The following SPESP1 variants were observed in gnomAD, a reference collection of about 807,000 sequenced individuals.
SPESP1 encodes the protein sperm equatorial segment protein 1, also known as equatorial segment protein.
SPESP1 carries 1 observed loss-of-function variant against 3.1 expected under a neutral mutation model. The ratio of observed to expected loss-of-function variants is 0.33; its 90% CI spans 0.12 to 1.54. SPESP1 has a LOEUF of 1.54. Ranked by LOEUF, SPESP1 falls within the 40% of genes most tolerant of loss-of-function variation. SPESP1 has a pLI of 0.38. For synonymous variants in SPESP1, 138 were observed against 150.7 expected (o/e 0.92, Z 0.62); for missense variants, 398 against 410.1 (o/e 0.97, Z 0.26).
At chr15:68,944,109 A>G (rs1895898117) in intron 1 of SPESP1, among the ~76,000 whole-genome samples, 1 of 152,134 alleles carries the variant, frequency 6.6e-6, no homozygotes, top group Non-Finnish European at 1.5e-5. Flanking sequence ...AATTAAATCA[A>G]TTTGTATACT....
chr15:68,938,947 T>C (rs964256662), intron 1 of SPESP1, among the ~76,000 whole-genome samples: 7 of 152,384 alleles, frequency 4.6e-5, no homozygotes, highest in African/African-American at 1.7e-4. Context: ...TAGGATCTTT[T>C]AAATCATTAT....
Position 68,946,128 on chromosome 15 carries a change from T to C in SPESP1, c.594T>C (p.Asp198=). The change falls in exon 2 of 2, where the codon GAT becomes GAC. Residue 198 remains aspartate (D), a synonymous_variant. Transcript: ENST00000310673. ...TGIGISTESE[D]VPQLSGETAI... ...TTGGGATCTCTACAGAATCAGAAGATGTTCCTCAGCTCTCAGGTGAAACTG... is the reference window on the plus strand; with the variant it reads ...TTGGGATCTCTACAGAATCAGAAGACGTTCCTCAGCTCTCAGGTGAAACTG... The C allele has an allele frequency of 6.2e-7, 1 of 1,614,176 alleles. No individual in the cohort carries two copies. The highest frequency in any genetic ancestry group is 1.6e-4 in the Middle Eastern group (1 of 6,062).
intron 1 of SPESP1, among the ~76,000 whole-genome samples, chr15:68,933,554 C>G (rs1567061883): frequency 1.3e-5 from 2 of 150,466 alleles, no homozygotes; most frequent in African/African-American, 4.9e-5. Context: ...ATTCTTTTTG[C>G]TTTAAAAAAA....
At chr15:68,936,398 C>T (rs1311316114) in intron 1 of SPESP1, among the ~76,000 whole-genome samples, 2 of 152,012 alleles carry the variant, frequency 1.3e-5, no homozygotes, top group East Asian at 1.9e-4. Context: ...AATGAAGTAC[C>T]GATACATGCT....
chr15:68,942,465 G>A (rs1895851979), intron 1 of SPESP1, among the ~76,000 whole-genome samples: 1 of 151,968 alleles, frequency 6.6e-6, no homozygotes, highest in Admixed American at 6.6e-5. Flanking sequence ...CCAACATGAT[G>A]TTAAATATTA....
chr15:68,940,796 T>G (rs1395561095), intron 1 of SPESP1, among the ~76,000 whole-genome samples: 5 of 151,884 alleles, frequency 3.3e-5, no homozygotes, highest in East Asian at 3.9e-4. Context: ...ATAGGTGGTG[T>G]TGTGTTCTTC....
At chr15:68,944,865 A>C (rs982115417) in intron 1 of SPESP1, among the ~76,000 whole-genome samples, 1 of 152,208 alleles carries the variant, frequency 6.6e-6, no homozygotes, top group East Asian at 1.9e-4. Flanking sequence ...ATACTGGTAA[A>C]TATTTAAAAC....
At chr15:68,941,442 G>A (rs1413217746) in intron 1 of SPESP1, among the ~76,000 whole-genome samples, 1 of 152,134 alleles carries the variant, frequency 6.6e-6, no homozygotes, top group Non-Finnish European at 1.5e-5. Context: ...CCATTTCCCT[G>A]AGCCAAAATC....
At position 68,946,138 on chromosome 15, in the gene SPESP1, C is replaced by G. The variant is rs757331605; in HGVS notation, c.604C>G (p.Leu202Val). The part of the protein sequence containing the change: ...ISTESEDVPQ[L>V]SGETAIEKPE... ...TACAGAATCAGAAGATGTTCCTCAG[C>G]TCTCAGGTGAAACTGCGATAGAAAA... The change falls in exon 2 of 2, where the codon CTC (leucine) becomes GTC (valine). Residue 202 changes from leucine to valine, a missense_variant. Leu to Val is a conservative substitution (Grantham distance 32). Coordinates refer to ENST00000310673, the MANE Select transcript of SPESP1 (RefSeq NM_145658.4). 3 of 1,614,022 alleles carry G rather than the reference C, an allele frequency of 1.9e-6. No homozygotes were observed. Among genetic ancestry groups the G allele is most frequent in the Admixed American group, 1.7e-5 (1 of 60,006 alleles).
Position 68,930,663 on chromosome 15 carries a change from T to G in SPESP1, c.10T>G (p.Leu4Val). Reference sequence around the variant, plus strand: ...GCTACGGACGACGCCTATGAAGCCCTTAGTCCTTCTAGTTGCGCTTTTGCT... The same window carrying G: ...GCTACGGACGACGCCTATGAAGCCCGTAGTCCTTCTAGTTGCGCTTTTGCT... MKP[L>V]VLLVALLLWP... The change falls in exon 1 of 2, where the codon TTA (leucine) becomes GTA (valine). Residue 4 changes from leucine (L) to valine (V), a missense_variant. By Grantham distance (32) the Leu-to-Val change is conservative. Coordinates refer to ENST00000310673, the MANE Select transcript of SPESP1 (RefSeq NM_145658.4). 6.2e-7 allele frequency: 1 copy of G among 1,613,960 alleles called. No individual in the cohort carries two copies. Among genetic ancestry groups the G allele is most frequent in the Non-Finnish European group, 8.5e-7 (1 of 1,179,850 alleles).
chr15:68,937,749 A>G (rs943865017), intron 1 of SPESP1, among the ~76,000 whole-genome samples: 16 of 152,194 alleles, frequency 1.1e-4, no homozygotes, highest in African/African-American at 4.8e-5. Context: ...ACATATACAC[A>G]TGCCAGTCCT....
At chr15:68,941,354 T>C (rs1353723729) in intron 1 of SPESP1, among the ~76,000 whole-genome samples, 1 of 152,232 alleles carries the variant, frequency 6.6e-6, no homozygotes, top group East Asian at 1.9e-4. Context: ...GTAGCTCCTA[T>C]AACAAATTAC....
intron 1 of SPESP1, among the ~76,000 whole-genome samples, chr15:68,932,770 G>A (rs771506621): frequency 9.9e-5 from 15 of 152,212 alleles, no homozygotes; most frequent in Admixed American, 2.0e-4. Flanking sequence ...ATGAAAAGAC[G>A]CTTCCCAGAA....
Position 68,930,710 on chromosome 15 carries a change from T to C in SPESP1, c.57T>C (p.Ala19=), listed in dbSNP as rs1895507934. The part of the protein sequence containing the change: ...ALLLWPSSVP[A]YPSITVTPDE... ...TGCTATGGCCTTCGTCTGTGCCGGC[T>C]TATCCGAGTGAGTGACGGGCCTGAG... The change falls in exon 1 of 2, where the codon GCT becomes GCC. Residue 19 remains alanine, a synonymous_variant. Transcript: ENST00000310673. The C allele has an allele frequency of 6.2e-7, 1 of 1,613,842 alleles. No homozygotes were observed. The highest frequency in any genetic ancestry group is 1.3e-5 in the African/African-American group (1 of 74,924).
In SPESP1 at chr15:68,946,533, A is replaced by T. The variant is rs773634896; in HGVS notation, c.999A>T (p.Thr333=). 1.3e-6 allele frequency: 2 copies of T among 1,582,726 alleles called. No individual in the cohort carries two copies. Among genetic ancestry groups the T allele is most frequent in the Non-Finnish European group, 1.7e-6 (2 of 1,170,506 alleles). ...AAAAAGCTGCTACAGTATTCAATACATTAAAAAATATGTGTAGATCAAGGA... is the reference window on the plus strand; with the variant it reads ...AAAAAGCTGCTACAGTATTCAATACTTTAAAAAATATGTGTAGATCAAGGA... The part of the protein sequence containing the change: ...MREKAATVFN[T]LKNMCRSRRV... Residue 333 remains threonine (T), a synonymous_variant, in exon 2 of 2, where the codon ACA becomes ACT. Coordinates refer to ENST00000310673, the MANE Select transcript of SPESP1 (RefSeq NM_145658.4).
At chr15:68,941,223 A>T (rs554200460) in intron 1 of SPESP1, among the ~76,000 whole-genome samples, 14 of 152,332 alleles carry the variant, frequency 9.2e-5, no homozygotes, top group East Asian at 3.9e-4. Context: ...AAAAGAGAGG[A>T]TATGACATCT....
rs549007098 is a variant in SPESP1, at chr15:68,930,847, C to T, written c.64+130C>T. The T allele has an allele frequency of 5.6e-6, 8 of 1,424,402 alleles. No homozygotes were observed. The South Asian group carries it at 8.4e-5, about 15-fold the overall frequency. 88.2% of individuals were successfully genotyped at this position (1,424,402 alleles called of 1,614,324 possible). A position where few individuals can be genotyped will look rare whatever the true frequency, so the allele number is the denominator to read the frequency against. ...GCCTCCCTCCCCCACTGTCCGGGGT[C>T]CTGGCCTCGACGCCGAGGGGTGTCC... is the stretch of plus-strand genomic sequence containing the variant. On this transcript the variant is annotated intron_variant, in intron 1 of 1. Coordinates refer to ENST00000310673, the MANE Select transcript of SPESP1 (RefSeq NM_145658.4).
intron 1 of SPESP1, 53 bp downstream of exon 1, chr15:68,930,770 C>A (rs1895511644): frequency 3.1e-6 from 5 of 1,611,988 alleles, no homozygotes; most frequent in Admixed American, 1.7e-5. Context: ...GGGGGAACTT[C>A]CCGAGCTCCG....
chr15:68,930,935 C>T (rs374436396), intron 1 of SPESP1, among the ~76,000 whole-genome samples: 6 of 152,118 alleles, frequency 3.9e-5, no homozygotes, highest in Admixed American at 3.3e-4. Flanking sequence ...AGACGGGAAG[C>T]GCCTGCGGGC....
Sources: gnomAD v4.1 joint callset for allele counts (sites outside exome capture counted in the v4.1 genomes callset) on GRCh38, gnomAD v4.1.1 for gene constraint, MANE v1.5 for transcripts, NCBI Gene and HGNC (gene_info 2026-07-23, HGNC 2026-07-21) for gene names.